Variants in CELF2 observed in about 807,000 individuals in gnomAD.
The protein encoded by CELF2 is CUG triplet repeat RNA-binding protein 2.
Under a neutral mutation model 62.6 loss-of-function variants are expected in CELF2, and 8 were observed. The observed-to-expected ratio is 0.13, with a 90% confidence interval of 0.07 to 0.23. The LOEUF is 0.23. Ranked by LOEUF, CELF2 falls within the 10% of genes least tolerant of loss-of-function variation. The pLI, the probability that CELF2 is intolerant of heterozygous loss-of-function variation, is 1.00. For missense variants in CELF2, 333 were observed against 671.0 expected, an observed-to-expected ratio of 0.50 and a Z score of 5.56; for synonymous variants, 258 against 250.0, an observed-to-expected ratio of 1.03 and a Z score of -0.30.
chr10:10,917,161 A>T (rs1041682921), intron 1 of CELF2, among the ~76,000 whole-genome samples: 1 of 152,210 alleles, frequency 6.6e-6, no homozygotes, highest in African/African-American at 2.4e-5. Context: ...GAACAAACAC[A>T]GTATACTCTT....
rs1171775908 is a variant in CELF2 at position 11,246,345 on chromosome 10, T to C, written c.355-2808T>C. On this transcript the variant is annotated intron_variant, in intron 3 of 12. Transcript: ENST00000633077. The surrounding 1 kb of genome is among the most constrained non-coding windows in gnomAD (Gnocchi z 4.6). ...ACTCTTTTCAGCAGATGAACCTGTA[T>C]AAGTCTTTCCTGTCTTGAAAGGACA... 6.6e-6 allele frequency among the ~76,000 whole-genome samples: 1 copy of C among 152,138 alleles called. No homozygotes were observed. Among genetic ancestry groups the C allele is most frequent in the Non-Finnish European group, 1.5e-5 (1 of 68,024 alleles).
At chr10:10,828,656 T>C (rs753046768) in intron 1 of CELF2, among the ~76,000 whole-genome samples, 1 of 152,208 alleles carries the variant, frequency 6.6e-6, no homozygotes, top group Non-Finnish European at 1.5e-5. Context: ...ATTTTTATGT[T>C]ATGTTTATTA....
At chr10:10,944,257 CCT>C (rs2047394736) in intron 2 of CELF2, 1 of 152,656 alleles carries the variant, frequency 6.6e-6, no homozygotes, top group South Asian at 2.1e-4. Context: ...CCATTGAGCA[CCT>C]CTGTCTTGAA....
At chr10:10,629,791 C>A in the CELF2 span, among the ~76,000 whole-genome samples, 6 of 131,492 alleles carry the variant, frequency 4.6e-5, no homozygotes. Flanking sequence ...AATCTGGACA[C>A]ATTGCACGTG....
upstream of CELF2, among the ~76,000 whole-genome samples, chr10:11,004,414 T>TGC (rs998904748): frequency 0.018 from 2,515 of 139,660 alleles, 55 homozygotes; most frequent in African/African-American, 0.076. This position sits in a 1 kb window ranked among gnomAD's most constrained non-coding sequence, Gnocchi z 5.0. Context: ...TGTGTGTGTG[T>TGC]GCGCGCGCGT....
At chr10:11,308,196 T>C (rs754622087) in intron 9 of CELF2, among the ~76,000 whole-genome samples, 3 of 152,268 alleles carry the variant, frequency 2.0e-5, no homozygotes, top group African/African-American at 4.8e-5. Context: ...CAAGATTTTC[T>C]CTTAAACTTT....
chr10:11,168,385 G>A (rs1165725338), intron 2 of CELF2, among the ~76,000 whole-genome samples: 1 of 152,200 alleles, frequency 6.6e-6, no homozygotes, highest in Non-Finnish European at 1.5e-5. Context: ...GATTTGAGCT[G>A]TATAATGACA....
the CELF2 span, among the ~76,000 whole-genome samples, chr10:10,620,025 T>C: frequency 2.0e-5 from 3 of 152,162 alleles, no homozygotes; most frequent in East Asian, 5.8e-4. Context: ...ATAAGGTATA[T>C]TGCATAAGCT....
chr10:11,291,546 T>C (rs2092529096), intron 9 of CELF2, among the ~76,000 whole-genome samples: 1 of 152,234 alleles, frequency 6.6e-6, no homozygotes, highest in South Asian at 2.1e-4. Context: ...AATTAAATCA[T>C]GAAAGAATAA....
rs2049024885 is a variant in CELF2, at chr10:10,957,450, A to G, written c.89+37451A>G. Reference sequence around the variant, plus strand: ...ATTCACCTGTGAGGCAATGTGAGCTAAGGCCAGAAGAAACCCTACTGGAAT... The same window carrying G: ...ATTCACCTGTGAGGCAATGTGAGCTGAGGCCAGAAGAAACCCTACTGGAAT... On this transcript the variant is annotated intron_variant, in intron 2 of 13. Coordinates refer to the CELF2 transcript ENST00000636488. The surrounding 1 kb of genome is among the most constrained non-coding windows in gnomAD (Gnocchi z 4.1). 6.6e-6 allele frequency among the ~76,000 whole-genome samples: 1 copy of G among 152,144 alleles called. No individual in the cohort carries two copies. Among genetic ancestry groups the G allele is most frequent in the Non-Finnish European group, 1.5e-5 (1 of 68,018 alleles).
At chr10:10,544,702 A>G in the CELF2 span, among the ~76,000 whole-genome samples, 1 of 152,206 alleles carries the variant, frequency 6.6e-6, no homozygotes, top group African/African-American at 2.4e-5. Context: ...CATTCTTACC[A>G]CTGTTACCAA....
intron 2 of CELF2, among the ~76,000 whole-genome samples, chr10:10,955,678 T>G (rs1190632403): frequency 1.3e-5 from 2 of 152,170 alleles, no homozygotes; most frequent in Non-Finnish European, 2.9e-5. Flanking sequence ...GGGGCTGAAA[T>G]TTAAACCCAG....
At chr10:10,655,185 G>C in the CELF2 span, among the ~76,000 whole-genome samples, 8 of 147,170 alleles carry the variant, frequency 5.4e-5, no homozygotes, top group East Asian at 1.6e-3. Context: ...CCTCTTCAAG[G>C]AGAACTACAA....
chr10:10,597,250 C>T, the CELF2 span, among the ~76,000 whole-genome samples: 265 of 152,280 alleles, frequency 1.7e-3, no homozygotes, highest in African/African-American at 6.1e-3. Context: ...AGAATTCACT[C>T]GTGTAAATTA....
chr10:11,025,202 C>CAT (rs903082574), intron 1 of CELF2, among the ~76,000 whole-genome samples: 9 of 131,652 alleles, frequency 6.8e-5, no homozygotes, highest in Middle Eastern at 3.8e-3. Context: ...GGGGTATATA[C>CAT]ATATATGTGT....
intron 1 of CELF2, among the ~76,000 whole-genome samples, chr10:10,809,443 C>T (rs926500546): frequency 2.0e-4 from 31 of 152,204 alleles, no homozygotes; most frequent in African/African-American, 7.5e-4. Flanking sequence ...CTATGACTTT[C>T]TGCATCCATT....
the CELF2 span, among the ~76,000 whole-genome samples, chr10:10,735,634 T>G: frequency 2.6e-5 from 4 of 152,182 alleles, no homozygotes; most frequent in African/African-American, 9.7e-5. Context: ...CCTCAATAAT[T>G]TGAATGCATC....
intron 1 of CELF2, among the ~76,000 whole-genome samples, chr10:11,091,837 C>T (rs760523825): frequency 6.6e-6 from 1 of 152,200 alleles, no homozygotes; most frequent in Non-Finnish European, 1.5e-5. Flanking sequence ...CAATCAAATA[C>T]AGAATGAACG....
chr10:11,232,878 G>C (rs2069338510), intron 3 of CELF2, among the ~76,000 whole-genome samples: 1 of 152,130 alleles, frequency 6.6e-6, no homozygotes, highest in African/African-American at 2.4e-5. Flanking sequence ...CCAATTCCCA[G>C]AGCAGCATCC....
Sources: allele counts gnomAD v4.1 joint callset (sites outside exome capture counted in the v4.1 genomes callset), GRCh38; gene constraint gnomAD v4.1.1; non-coding constraint Gnocchi (gnomAD v3.1); transcripts MANE v1.5; gene names NCBI Gene and HGNC (gene_info 2026-07-23, HGNC 2026-07-21).